KCNIP4: variants seen among roughly 807,000 people sequenced by gnomAD.
KCNIP4 encodes the protein potassium voltage-gated channel interacting protein 4, also known as Kv channel-interacting protein 4.
KCNIP4 carries 12 observed loss-of-function variants against 34.0 expected under a neutral mutation model. The ratio of observed to expected loss-of-function variants is 0.35; its 90% confidence interval spans 0.23 to 0.57. The LOEUF (loss-of-function observed/expected upper bound fraction) is 0.57, where lower values mean the gene tolerates loss of function less well. Among genes scored for constraint, KCNIP4 ranks in the 20% least tolerant of loss-of-function variants. The pLI, the probability that KCNIP4 is intolerant of heterozygous loss-of-function variation, is 0.83. For synonymous variants in KCNIP4, 124 were observed against 102.2 expected (o/e 1.21, Z -1.29); for missense variants, 238 against 311.7 (o/e 0.76, Z 1.78).
intron 3 of KCNIP4, among the ~76,000 whole-genome samples, chr4:20,829,738 C>T (rs1560496989): frequency 6.6e-6 from 1 of 152,072 alleles, no homozygotes; most frequent in East Asian, 1.9e-4. Context: ...ATTTAATAGC[C>T]TCTACTCTCA....
In KCNIP4 at chr4:21,585,763, T is replaced by C. The variant is rs140040958; in HGVS notation, c.61+362808A>G. Among the ~76,000 whole-genome samples the C allele has an allele frequency of 8.1e-3, 1,233 of 152,222 alleles. 28 individuals are homozygous for C. Among genetic ancestry groups the C allele is most frequent in the South Asian group, 0.047 (227 of 4,816 alleles). On this transcript the variant is annotated intron_variant, in intron 1 of 8. Coordinates refer to ENST00000382152, the MANE Select transcript of KCNIP4 (RefSeq NM_025221.6). ...AGGAAATTCCAAGAAGCTTAATTTATTGATTATTATTTTCATGAAGTGAGG... is the reference window on the plus strand; with the variant it reads ...AGGAAATTCCAAGAAGCTTAATTTACTGATTATTATTTTCATGAAGTGAGG...
intron 1 of KCNIP4, among the ~76,000 whole-genome samples, chr4:21,029,131 C>A (rs1317058728): frequency 6.6e-6 from 1 of 152,138 alleles, no homozygotes; most frequent in Non-Finnish European, 1.5e-5. Flanking sequence ...GTAAATGCAG[C>A]CTTTCTAAGA....
At chr4:21,787,294 T>G (rs1352620167) in intron 1 of KCNIP4, among the ~76,000 whole-genome samples, 1 of 152,204 alleles carries the variant, frequency 6.6e-6, no homozygotes, top group Non-Finnish European at 1.5e-5. Context: ...TTTAAAAATC[T>G]GAAATCTGAA....
rs191539439 is a variant in KCNIP4, at chr4:20,764,147, A to C, written c.289-5257T>G. On this transcript the variant is annotated intron_variant, in intron 3 of 8. Transcript: ENST00000382152. ...CTATTTTCTAATGAAATTTTGTCTG[A>C]TTATTAGCAAATGATTATTCCATGA... 7.2e-5 allele frequency among the ~76,000 whole-genome samples: 11 copies of C among 152,238 alleles called. No individual in the cohort carries two copies. The East Asian group carries it at 9.7e-4, about 13-fold the overall frequency.
rs116475907 is a variant in KCNIP4 at position 21,680,008 on chromosome 4, T to A, written c.61+268563A>T. On this transcript the variant is annotated intron_variant, in intron 1 of 8. Coordinates refer to ENST00000382152, the MANE Select transcript of KCNIP4 (RefSeq NM_025221.6). ...TGAGGTGTCTAGTGTAATTCTTAAATAAGACAACAATGAAGTTTGTCATAT... is the reference window on the plus strand; with the variant it reads ...TGAGGTGTCTAGTGTAATTCTTAAAAAAGACAACAATGAAGTTTGTCATAT... Among the ~76,000 whole-genome samples, 953 of 152,328 alleles carry A rather than the reference T, an allele frequency of 6.3e-3. 14 individuals are homozygous for A. The highest frequency in any genetic ancestry group is 0.022 in the African/African-American group (894 of 41,576).
intron 1 of KCNIP4, among the ~76,000 whole-genome samples, chr4:21,056,197 C>T (rs1227484297): frequency 6.6e-6 from 1 of 152,152 alleles, no homozygotes; most frequent in East Asian, 1.9e-4. Context: ...TGCATACTTT[C>T]ATCTATAGCT....
rs112891744 is a variant in KCNIP4, at chr4:21,453,780, G to A, written c.61+494791C>T. Among the ~76,000 whole-genome samples, 13 of 152,132 alleles carry A rather than the reference G, an allele frequency of 8.5e-5. No homozygotes were observed. The South Asian group carries it at 1.9e-3, about 22-fold the overall frequency. On this transcript the variant is annotated intron_variant, in intron 1 of 8. Coordinates refer to ENST00000382152, the MANE Select transcript of KCNIP4 (RefSeq NM_025221.6). The stretch of plus-strand genomic sequence containing the variant: ...TGTCTTCTTAAATTGCCAGATGAAC[G>A]CAATGCCCATCTCCTTTCAGCTAGC...
chr4:21,497,970 G>A (rs1441138516), intron 1 of KCNIP4, among the ~76,000 whole-genome samples: 1 of 152,040 alleles, frequency 6.6e-6, no homozygotes, highest in African/African-American at 2.4e-5. Context: ...TATATCCCCA[G>A]TACCTATTAT....
intron 1 of KCNIP4, among the ~76,000 whole-genome samples, chr4:21,039,967 A>G (rs1741806744): frequency 6.6e-6 from 1 of 150,670 alleles, no homozygotes; most frequent in South Asian, 2.1e-4. Flanking sequence ...CAGGAAACTT[A>G]CAATCAAGGT....
chr4:21,632,144 T>C (rs1199455000), intron 1 of KCNIP4, among the ~76,000 whole-genome samples: 1 of 152,186 alleles, frequency 6.6e-6, no homozygotes, highest in African/African-American at 2.4e-5. Flanking sequence ...ACATAATAGA[T>C]TCCATGCTTT....
intron 1 of KCNIP4, among the ~76,000 whole-genome samples, chr4:21,401,170 G>C (rs1398441038): frequency 6.6e-6 from 1 of 152,056 alleles, no homozygotes; most frequent in Non-Finnish European, 1.5e-5. Flanking sequence ...TAGAATCCAA[G>C]CTTCCTCACC....
At chr4:21,202,678 C>T (rs1292659926) in intron 1 of KCNIP4, among the ~76,000 whole-genome samples, 5 of 152,156 alleles carry the variant, frequency 3.3e-5, no homozygotes, top group Admixed American at 1.3e-4. Context: ...TGCTCAGATC[C>T]GTCTCAGTCT....
intron 2 of KCNIP4, among the ~76,000 whole-genome samples, chr4:20,877,193 C>T (rs1577299868): frequency 6.6e-6 from 1 of 152,170 alleles, no homozygotes; most frequent in East Asian, 1.9e-4. Flanking sequence ...ACAATAGCTG[C>T]ATTTCTTATC....
intron 1 of KCNIP4, among the ~76,000 whole-genome samples, chr4:21,004,705 CT>C (rs1341056821): frequency 6.6e-6 from 1 of 152,076 alleles, no homozygotes; most frequent in Non-Finnish European, 1.5e-5. Flanking sequence ...TTATAATTAG[CT>C]TCAAATTCAT....
chr4:21,238,284 G>A (rs190183651), intron 1 of KCNIP4, among the ~76,000 whole-genome samples: 32,754 of 151,906 alleles, frequency 0.22, 6,023 homozygotes, highest in African/African-American at 0.5. Flanking sequence ...TACTGAATGG[G>A]CAAAAACTGG....
intron 1 of KCNIP4, among the ~76,000 whole-genome samples, chr4:21,327,582 C>G (rs577194101): frequency 6.6e-6 from 1 of 152,114 alleles, no homozygotes; most frequent in East Asian, 1.9e-4. Context: ...TGAATAATAT[C>G]TTTTTCTAGT....
chr4:21,894,694 A>C (rs904642718), intron 1 of KCNIP4, among the ~76,000 whole-genome samples: 12 of 152,308 alleles, frequency 7.9e-5, no homozygotes, highest in Admixed American at 2.0e-4. Context: ...AATTTAAATA[A>C]AAGTTTGGTA....
intron 1 of KCNIP4, among the ~76,000 whole-genome samples, chr4:21,247,516 G>A (rs374424415): frequency 3.4e-5 from 5 of 148,576 alleles, no homozygotes; most frequent in African/African-American, 1.2e-4. Flanking sequence ...GCAGAGGGAC[G>A]ATATGGCCCA....
At chr4:20,903,278 T>C (rs980583151) in intron 1 of KCNIP4, among the ~76,000 whole-genome samples, 7 of 152,190 alleles carry the variant, frequency 4.6e-5, no homozygotes, top group African/African-American at 1.4e-4. Context: ...ACAGCAACCC[T>C]ATGTCTTTCT....
Sources: gnomAD v4.1 joint callset for allele counts (sites outside exome capture counted in the v4.1 genomes callset) on GRCh38, gnomAD v4.1.1 for gene constraint, MANE v1.5 for transcripts, NCBI Gene and HGNC (gene_info 2026-07-23, HGNC 2026-07-21) for gene names.